ATRNL1: variants seen among roughly 807,000 people sequenced by gnomAD.
ATRNL1 encodes attractin-like protein 1.
ATRNL1 carries 95 observed loss-of-function variants against 182.7 expected under a neutral mutation model. The observed-to-expected ratio is 0.52, with a 90% CI of 0.44 to 0.62. The LOEUF (loss-of-function observed/expected upper bound fraction) is 0.62, where lower values mean the gene tolerates loss of function less well. Ranked by LOEUF, ATRNL1 falls within the 20% of genes least tolerant of loss-of-function variation. The pLI, the probability that ATRNL1 is intolerant of heterozygous loss-of-function variation, is 0.00. For missense variants in ATRNL1, 1,471 were observed against 1,679.5 expected, an observed-to-expected ratio of 0.88 and a Z score of 2.17; for synonymous variants, 576 against 568.3, an observed-to-expected ratio of 1.01 and a Z score of -0.19.
At chr10:115,694,509 GC>G (rs199818521) in intron 26 of ATRNL1, among the ~76,000 whole-genome samples, 1,760 of 152,114 alleles carry the variant, frequency 0.012, 33 homozygotes, top group African/African-American at 0.04. Flanking sequence ...AAACAGCTAT[GC>G]AAAGCATGAC....
intron 27 of ATRNL1, among the ~76,000 whole-genome samples, chr10:115,732,541 A>G (rs782713724): frequency 1.2e-4 from 19 of 152,302 alleles, no homozygotes; most frequent in South Asian, 4.1e-4. Flanking sequence ...TACATACACT[A>G]TCTCAATCTC....
At chr10:115,258,501 T>A (rs1233749727) in intron 10 of ATRNL1, among the ~76,000 whole-genome samples, 1 of 152,144 alleles carries the variant, frequency 6.6e-6, no homozygotes, top group Non-Finnish European at 1.5e-5. Context: ...TTTATCCTAG[T>A]TAGCCATTCG....
At position 115,447,273 on chromosome 10, in the gene ATRNL1, A is replaced by G. The variant is rs186846767; in HGVS notation, c.3323-14668A>G. Among the ~76,000 whole-genome samples, 997 of 151,768 alleles carry G rather than the reference A, an allele frequency of 6.6e-3. 11 individuals are homozygous for G. Among genetic ancestry groups the G allele is most frequent in the African/African-American group, 0.023 (946 of 41,512 alleles). ...TTAATAAAGCTTAACGCCTTGCTCTATTTGCTTTGGATTTTTTAAAAAGAA... is the reference window on the plus strand; with the variant it reads ...TTAATAAAGCTTAACGCCTTGCTCTGTTTGCTTTGGATTTTTTAAAAAGAA... On this transcript the variant is annotated intron_variant, in intron 21 of 28. Coordinates refer to ENST00000355044, the MANE Select transcript of ATRNL1 (RefSeq NM_207303.4).
intron 28 of ATRNL1, among the ~76,000 whole-genome samples, chr10:115,940,672 A>ACTCTCT (rs144547639): frequency 5.1e-4 from 66 of 128,912 alleles, no homozygotes; most frequent in Admixed American, 7.3e-4. Flanking sequence ...GACAGAGATT[A>ACTCTCT]CTCTCTCTCT....
chr10:115,360,315 T>G (rs1280713225), intron 19 of ATRNL1, among the ~76,000 whole-genome samples: 1 of 141,506 alleles, frequency 7.1e-6, no homozygotes. Flanking sequence ...AATGGAAAAG[T>G]TCTATTTAAT....
chr10:115,187,076 C>G (rs1847970310), intron 8 of ATRNL1, among the ~76,000 whole-genome samples: 1 of 152,186 alleles, frequency 6.6e-6, no homozygotes, highest in Admixed American at 6.6e-5. Context: ...GATCTCTCCC[C>G]TCACACCTGT....
chr10:115,173,691 A>G (rs1258973100), intron 8 of ATRNL1, among the ~76,000 whole-genome samples: 2 of 151,890 alleles, frequency 1.3e-5, no homozygotes, highest in Non-Finnish European at 2.9e-5. Flanking sequence ...TGTATTACTT[A>G]CTATTATAAA....
chr10:115,515,215 G>A (rs782313847), intron 24 of ATRNL1, among the ~76,000 whole-genome samples: 13 of 151,402 alleles, frequency 8.6e-5, no homozygotes, highest in African/African-American at 3.1e-4. Flanking sequence ...CATAGACACT[G>A]GTACCTTCCA....
At chr10:115,840,058 T>C (rs574406462) in intron 27 of ATRNL1, among the ~76,000 whole-genome samples, 3 of 152,306 alleles carry the variant, frequency 2.0e-5, no homozygotes, top group South Asian at 2.1e-4. Flanking sequence ...AAAATATTTC[T>C]TAAATGCCTC....
chr10:115,448,854 C>CCAACAACAACAACAA lies in ATRNL1; in HGVS notation c.3323-13062_3323-13048dup, dbSNP rs3981286. ...TTGCTCCAATGTAATAGCGTGCCAA[C>CCAACAACAACAACAA]CAACAACAACAACAACAACAACAAC... is the stretch of plus-strand genomic sequence containing the variant. On this transcript the variant is annotated intron_variant, in intron 21 of 28. Coordinates refer to ENST00000355044, the MANE Select transcript of ATRNL1 (RefSeq NM_207303.4). 1.9e-3 allele frequency among the ~76,000 whole-genome samples: 283 copies of CCAACAACAACAACAA among 150,208 alleles called. 1 individual carries two copies. Among genetic ancestry groups the CCAACAACAACAACAA allele is most frequent in the African/African-American group, 6.5e-3 (264 of 40,744 alleles).
At chr10:115,434,236 A>G (rs868956016) in intron 21 of ATRNL1, among the ~76,000 whole-genome samples, 1 of 152,300 alleles carries the variant, frequency 6.6e-6, no homozygotes, top group Middle Eastern at 3.4e-3. Flanking sequence ...AGTAAATAAA[A>G]CATAGTTTTT....
chr10:115,357,234 G>A (rs568608429), intron 19 of ATRNL1, among the ~76,000 whole-genome samples: 1 of 151,918 alleles, frequency 6.6e-6, no homozygotes, highest in East Asian at 1.9e-4. Context: ...TTAAAGTGGG[G>A]CATAGTTCTA....
At chr10:115,746,812 C>T (rs1948305767) in intron 27 of ATRNL1, among the ~76,000 whole-genome samples, 1 of 152,058 alleles carries the variant, frequency 6.6e-6, no homozygotes, top group Non-Finnish European at 1.5e-5. Context: ...ATATGAGATT[C>T]ATCAAATGTG....
At chr10:115,652,363 A>T (rs979060618) in intron 26 of ATRNL1, among the ~76,000 whole-genome samples, 3 of 152,074 alleles carry the variant, frequency 2.0e-5, no homozygotes, top group African/African-American at 7.2e-5. Flanking sequence ...AATTCACTGA[A>T]TTCAATGTGA....
chr10:115,680,896 C>T (rs1448434617), intron 26 of ATRNL1, among the ~76,000 whole-genome samples: 1 of 152,070 alleles, frequency 6.6e-6, no homozygotes, highest in African/African-American at 2.4e-5. Flanking sequence ...ACACTTGGGA[C>T]ATTTATTAGA....
intron 15 of ATRNL1, among the ~76,000 whole-genome samples, chr10:115,295,226 G>A (rs1026318068): frequency 6.6e-6 from 1 of 152,112 alleles, no homozygotes; most frequent in African/African-American, 2.4e-5. Flanking sequence ...TGTCCTGGGG[G>A]CTTGCTTGCC....
chr10:115,109,159 C>CT (rs71010007), intron 1 of ATRNL1, among the ~76,000 whole-genome samples: 7,379 of 151,480 alleles, frequency 0.049, 590 homozygotes, highest in African/African-American at 0.16. Flanking sequence ...TTTTTCTAGC[C>CT]TTTTTTTTTC....
intron 28 of ATRNL1, among the ~76,000 whole-genome samples, chr10:115,933,652 GCT>G (rs1953472090): frequency 1.3e-5 from 2 of 152,198 alleles, no homozygotes; most frequent in Non-Finnish European, 2.9e-5. Context: ...CAAGAGACAT[GCT>G]GAATTTCAAG....
chr10:115,473,155 G>A (rs891198775), intron 24 of ATRNL1, among the ~76,000 whole-genome samples: 2 of 151,300 alleles, frequency 1.3e-5, no homozygotes, highest in East Asian at 1.9e-4. Flanking sequence ...TTTGATTCAT[G>A]TATGTTGAAC....
Sources: allele counts gnomAD v4.1 joint callset (sites outside exome capture counted in the v4.1 genomes callset), GRCh38; gene constraint gnomAD v4.1.1; transcripts MANE v1.5; gene names NCBI Gene and HGNC (gene_info 2026-07-23, HGNC 2026-07-21).